SPIDR: variants seen among roughly 807,000 people sequenced by gnomAD.
SPIDR encodes scaffold protein involved in DNA repair, also known as DNA repair-scaffolding protein.
SPIDR carries 93 observed loss-of-function variants against 104.6 expected under a neutral mutation model. The observed-to-expected ratio is 0.89, with a 90% CI of 0.75 to 1.06. The LOEUF (loss-of-function observed/expected upper bound fraction) is 1.06, where lower values mean the gene tolerates loss of function less well. SPIDR is among the 50% of genes least tolerant of loss of function. SPIDR has a pLI of 0.00. For synonymous variants in SPIDR, 431 were observed against 416.9 expected (o/e 1.03, Z -0.41); for missense variants, 1,154 against 1,111.2 (o/e 1.04, Z -0.55).
At chr8:47,265,188 CTT>C (rs397892978) in intron 1 of SPIDR, among the ~76,000 whole-genome samples, 134 of 108,968 alleles carry the variant, frequency 1.2e-3, no homozygotes, top group Middle Eastern at 4.7e-3. Flanking sequence ...TCTCAGTTGT[CTT>C]TTTTTTTTTT....
At chr8:47,589,365 CA>C (rs1451887184) in intron 8 of SPIDR, among the ~76,000 whole-genome samples, 2 of 150,906 alleles carry the variant, frequency 1.3e-5, no homozygotes, top group Non-Finnish European at 3.0e-5. Flanking sequence ...ATTAAAAATG[CA>C]AAAAAATTTG....
intron 8 of SPIDR, among the ~76,000 whole-genome samples, chr8:47,582,289 A>G (rs957058457): frequency 6.6e-6 from 1 of 152,026 alleles, no homozygotes. Flanking sequence ...CATTGTCCCT[A>G]TCTACATATT....
chr8:47,486,653 C>T (rs1191468175), intron 8 of SPIDR, among the ~76,000 whole-genome samples: 18 of 152,286 alleles, frequency 1.2e-4, no homozygotes, highest in African/African-American at 2.9e-4. Flanking sequence ...GCGGATCTCT[C>T]GGCAGACACT....
At chr8:47,568,597 A>G (rs1017793462) in intron 8 of SPIDR, among the ~76,000 whole-genome samples, 3 of 152,082 alleles carry the variant, frequency 2.0e-5, no homozygotes, top group Admixed American at 6.6e-5. Flanking sequence ...TCCACCCTCA[A>G]CCTCATGGCA....
intron 7 of SPIDR, among the ~76,000 whole-genome samples, chr8:47,440,032 C>T (rs761460591): frequency 3.9e-5 from 6 of 152,100 alleles, no homozygotes; most frequent in Admixed American, 6.5e-5. Context: ...CTTAAAATGA[C>T]GGGTCTAAGG....
rs547861018 is a variant in SPIDR, at chr8:47,691,761, G to A, written c.1686-8642G>A. 9.9e-5 allele frequency among the ~76,000 whole-genome samples: 15 copies of A among 152,268 alleles called. No individual in the cohort carries two copies. In the East Asian group the frequency reaches 1.4e-3, roughly 14 times the overall value. On this transcript the variant is annotated intron_variant, in intron 11 of 19. Coordinates refer to ENST00000297423, the MANE Select transcript of SPIDR (RefSeq NM_001080394.4). ...CTGTCCTGTCTGGTGCTCAAGACCC[G>A]CTCCTGTGGCTTAGCAGGACCGATG... is the stretch of plus-strand genomic sequence containing the variant.
intron 7 of SPIDR, among the ~76,000 whole-genome samples, chr8:47,416,867 C>T (rs1229343748): frequency 6.6e-6 from 1 of 151,320 alleles, no homozygotes; most frequent in East Asian, 2.0e-4. Flanking sequence ...TGAGTGAGAA[C>T]ACGCGGTGTT....
intron 7 of SPIDR, among the ~76,000 whole-genome samples, chr8:47,413,625 C>A (rs1385628489): frequency 6.6e-6 from 1 of 152,110 alleles, no homozygotes; most frequent in African/African-American, 2.4e-5. Context: ...AAAACATGGG[C>A]GAACTTTGAA....
At chr8:47,268,868 T>A (rs999396522) in intron 1 of SPIDR, among the ~76,000 whole-genome samples, 1 of 152,204 alleles carries the variant, frequency 6.6e-6, no homozygotes, top group Non-Finnish European at 1.5e-5. Context: ...TAGGATTTCC[T>A]GTGTACAAGG....
intron 10 of SPIDR, among the ~76,000 whole-genome samples, chr8:47,628,712 G>A (rs1199662004): frequency 6.6e-6 from 1 of 152,102 alleles, no homozygotes; most frequent in Non-Finnish European, 1.5e-5. Context: ...CCTGTCCCAA[G>A]CAATTTGGGT....
intron 16 of SPIDR, among the ~76,000 whole-genome samples, chr8:47,720,391 GCTAAGCCGTCTTCC>G (rs2083228679): frequency 6.6e-6 from 1 of 152,200 alleles, no homozygotes; most frequent in Non-Finnish European, 1.5e-5. Flanking sequence ...CGAAGTAACT[GCTAAGCCGTCTTCC>G]AAAGTTGGCT....
intron 3 of SPIDR, among the ~76,000 whole-genome samples, chr8:47,284,388 A>G (rs2038402793): frequency 2.0e-5 from 3 of 151,952 alleles, no homozygotes; most frequent in African/African-American, 4.8e-5. Context: ...TCATAGCTCC[A>G]GGGTTTTGTT....
intron 19 of SPIDR, among the ~76,000 whole-genome samples, chr8:47,730,932 T>C (rs1221580692): frequency 6.6e-6 from 1 of 152,190 alleles, no homozygotes; most frequent in Non-Finnish European, 1.5e-5. Context: ...CACAAGTGAC[T>C]ATACACTAGA....
At chr8:47,379,279 G>C (rs1249842307) in intron 5 of SPIDR, among the ~76,000 whole-genome samples, 2 of 152,344 alleles carry the variant, frequency 1.3e-5, no homozygotes, top group Non-Finnish European at 2.9e-5. Context: ...GCTGGGCTTG[G>C]TGGCTCACGC....
chr8:47,405,138 T>C (rs1185101479), intron 6 of SPIDR, among the ~76,000 whole-genome samples: 9 of 151,932 alleles, frequency 5.9e-5, no homozygotes, highest in African/African-American at 2.2e-4. Context: ...CTCACTCATA[T>C]GTAGGAGTTG....
intron 16 of SPIDR, among the ~76,000 whole-genome samples, chr8:47,714,435 C>T (rs2082291468): frequency 6.6e-6 from 1 of 152,146 alleles, no homozygotes; most frequent in African/African-American, 2.4e-5. Context: ...GTTTTACATA[C>T]ATCTGAGATG....
At chr8:47,692,708 A>G (rs1285342865) in intron 11 of SPIDR, among the ~76,000 whole-genome samples, 1 of 151,762 alleles carries the variant, frequency 6.6e-6, no homozygotes, top group African/African-American at 2.4e-5. Context: ...TCATCCTCCC[A>G]AAGTGCTGGG....
intron 5 of SPIDR, among the ~76,000 whole-genome samples, chr8:47,363,199 CT>C (rs34705214): frequency 0.048 from 3,819 of 79,706 alleles, 22 homozygotes; most frequent in Non-Finnish European, 0.065. Flanking sequence ...CTTTATCTCT[CT>C]TTTTTTTTTT....
intron 8 of SPIDR, among the ~76,000 whole-genome samples, chr8:47,552,365 G>T (rs2090644100): frequency 6.6e-6 from 1 of 152,184 alleles, no homozygotes; most frequent in Non-Finnish European, 1.5e-5. Flanking sequence ...AATATTTACA[G>T]TGGGGTGTTA....
Sources: gnomAD v4.1 joint callset for allele counts (sites outside exome capture counted in the v4.1 genomes callset) on GRCh38, gnomAD v4.1.1 for gene constraint, MANE v1.5 for transcripts, NCBI Gene and HGNC (gene_info 2026-07-23, HGNC 2026-07-21) for gene names.